The following PRKCB variants were observed in gnomAD, a reference collection of about 807,000 sequenced individuals.
The protein encoded by PRKCB is protein kinase C beta, also known as protein kinase C beta type.
In PRKCB, 13 loss-of-function variants were observed where a neutral mutation model predicts 81.5. That is an observed-to-expected ratio of 0.16 (90% CI 0.10 to 0.25). PRKCB has a LOEUF of 0.25. Among genes scored for constraint, PRKCB ranks in the 10% least tolerant of loss-of-function variants. The pLI is 1.00. For missense variants in PRKCB, 509 were observed against 875.7 expected (o/e 0.58, Z 5.29); for synonymous variants, 335 against 321.4 (o/e 1.04, Z -0.45).
intron 3 of PRKCB, among the ~76,000 whole-genome samples, chr16:24,024,800 C>T (rs1965454271): frequency 6.6e-6 from 1 of 152,122 alleles, no homozygotes; most frequent in Non-Finnish European, 1.5e-5. Flanking sequence ...GGGAGGTGCC[C>T]ATCTCAGAGA....
intron 2 of PRKCB, among the ~76,000 whole-genome samples, chr16:23,986,527 C>T (rs1964806276): frequency 6.6e-6 from 1 of 152,182 alleles, no homozygotes; most frequent in South Asian, 2.1e-4. Context: ...GCTGGGATTA[C>T]AGATGTGAGC....
chr16:24,181,554 C>G (rs974924084), intron 13 of PRKCB, among the ~76,000 whole-genome samples: 10 of 151,852 alleles, frequency 6.6e-5, no homozygotes, highest in African/African-American at 2.2e-4. Context: ...ATCACTTGAG[C>G]CCAGGAGTTC....
intron 2 of PRKCB, among the ~76,000 whole-genome samples, chr16:23,935,376 G>A (rs897833410): frequency 1.1e-4 from 17 of 152,146 alleles, no homozygotes; most frequent in South Asian, 8.3e-4. Flanking sequence ...TGATTAGACC[G>A]TAGCCATTTT....
chr16:23,992,135 C>T (rs1239280171), intron 3 of PRKCB, among the ~76,000 whole-genome samples: 1 of 152,142 alleles, frequency 6.6e-6, no homozygotes, highest in Non-Finnish European at 1.5e-5. Flanking sequence ...CACTGGAGAC[C>T]GAATCTTCCA....
At chr16:24,033,405 G>T (rs879912906) in intron 4 of PRKCB, among the ~76,000 whole-genome samples, 4 of 152,260 alleles carry the variant, frequency 2.6e-5, no homozygotes, top group Admixed American at 6.5e-5. Context: ...GTGGGGCGTG[G>T]AAGCTACAGA....
Position 24,123,937 on chromosome 16 carries a change from G to A in PRKCB, c.1021G>A (p.Asp341Asn), listed in dbSNP as rs1189884717. The A allele has an allele frequency of 1.2e-6, 2 of 1,614,178 alleles. No homozygotes were observed. The highest frequency in any genetic ancestry group is 1.7e-6 in the Non-Finnish European group (2 of 1,180,016). Residue 341 changes from aspartate (D) to asparagine (N), a missense_variant, in exon 9 of 17, where the codon GAT (aspartate) becomes AAT (asparagine). Physicochemically the swap from Asp to Asn is conservative, Grantham distance 23. Coordinates refer to ENST00000643927, the MANE Select transcript of PRKCB (RefSeq NM_002738.7). ...CAACAGAGACCGGATGAAACTGACCGATTTTAACTTCCTAATGGTGCTGGG... is the reference window on the plus strand; with the variant it reads ...CAACAGAGACCGGATGAAACTGACCAATTTTAACTTCCTAATGGTGCTGGG... Reference protein sequence around the residue: ...NGNRDRMKLTDFNFLMVLGKG... With the variant: ...NGNRDRMKLTNFNFLMVLGKG...
intron 7 of PRKCB, among the ~76,000 whole-genome samples, chr16:24,112,062 A>G (rs1050612514): frequency 5.9e-5 from 9 of 152,188 alleles, no homozygotes; most frequent in Non-Finnish European, 7.3e-5. Context: ...TGTGCGCTTA[A>G]CCACTAAGGG....
At chr16:24,137,572 A>G (rs1165867100) in intron 9 of PRKCB, among the ~76,000 whole-genome samples, 2 of 152,228 alleles carry the variant, frequency 1.3e-5, no homozygotes, top group African/African-American at 2.4e-5. Flanking sequence ...AGGACCAGAT[A>G]GAGCCCATTA....
intron 16 of PRKCB, among the ~76,000 whole-genome samples, chr16:24,192,192 G>T (rs548123996): frequency 3.5e-4 from 53 of 152,366 alleles, no homozygotes; most frequent in Non-Finnish European, 7.1e-4. Flanking sequence ...GGCACGTAAT[G>T]ATAATAGTTT....
At chr16:23,970,053 T>G (rs553385008) in intron 2 of PRKCB, among the ~76,000 whole-genome samples, 1 of 152,288 alleles carries the variant, frequency 6.6e-6, no homozygotes, top group East Asian at 1.9e-4. Flanking sequence ...ACAGAAAAAT[T>G]GAAACCTTTT....
chr16:24,010,748 T>G (rs551905266), intron 3 of PRKCB, among the ~76,000 whole-genome samples: 166 of 152,214 alleles, frequency 1.1e-3, no homozygotes, highest in African/African-American at 3.9e-3. Context: ...GGGAGGAAGA[T>G]TCATCATTTT....
At chr16:23,906,682 T>A (rs922111988) in intron 2 of PRKCB, among the ~76,000 whole-genome samples, 4 of 152,180 alleles carry the variant, frequency 2.6e-5, no homozygotes, top group African/African-American at 9.7e-5. Context: ...CTGGAATTTA[T>A]TTTGGTTTTA....
At chr16:24,029,831 G>A (rs573980391) in intron 3 of PRKCB, among the ~76,000 whole-genome samples, 7 of 152,318 alleles carry the variant, frequency 4.6e-5, no homozygotes, top group Admixed American at 1.3e-4. Context: ...TGTACCAAAG[G>A]CTAGGGTGTC....
rs1964010729 is a variant in PRKCB, at chr16:23,933,695, TTCTATCCATCCATCCATTCATCCATCCA to T, written c.206-54793_206-54766del. The stretch of plus-strand genomic sequence containing the variant: ...ATCCATCATCTTCTGTTTGTTGATT[TTCTATCCATCCATCCATTCATCCATCCA>T]TCTATCCATCCATCCATTCGTCCAT... On this transcript the variant is annotated intron_variant, in intron 2 of 16. Coordinates refer to ENST00000643927, the MANE Select transcript of PRKCB (RefSeq NM_002738.7). 2.9e-5 allele frequency among the ~76,000 whole-genome samples: 4 copies of T among 136,794 alleles called. No individual in the cohort carries two copies. In the South Asian group the frequency reaches 9.9e-4, roughly 34 times the overall value. 89.7% of individuals were successfully genotyped at this position (136,794 alleles called of 152,430 possible). A position where few individuals can be genotyped will look rare whatever the true frequency, so the allele number is the denominator to read the frequency against.
intron 2 of PRKCB, among the ~76,000 whole-genome samples, chr16:23,876,787 A>C (rs1480104646): frequency 6.6e-6 from 1 of 152,178 alleles, no homozygotes; most frequent in Admixed American, 6.5e-5. Flanking sequence ...GTCCCTTCAA[A>C]ATACCACTAC....
At chr16:24,105,552 G>T (rs1300603647) in intron 7 of PRKCB, among the ~76,000 whole-genome samples, 1 of 152,006 alleles carries the variant, frequency 6.6e-6, no homozygotes, top group East Asian at 1.9e-4. Flanking sequence ...CCCCTAACAG[G>T]CCCCGGTGTG....
chr16:24,216,668 G>T lies in PRKCB; in HGVS notation c.*1852G>T, dbSNP rs1219198703. 1.0e-6 allele frequency: 1 copy of T among 985,362 alleles called. No individual in the cohort carries two copies. The highest frequency in any genetic ancestry group is 1.2e-6 in the Non-Finnish European group (1 of 829,980). The allele number at this position is 985,362 out of a possible 1,614,324, so 61.0% of individuals were successfully genotyped here. ...CTTCTCTGTCCTCTTCTTGCTTCAG[G>T]CTTGGGGACCGTCCCTGCTGTCCCC... is the stretch of plus-strand genomic sequence containing the variant. On this transcript the variant is annotated 3_prime_UTR_variant, in exon 17 of 17. Coordinates refer to ENST00000643927, the MANE Select transcript of PRKCB (RefSeq NM_002738.7).
intron 2 of PRKCB, among the ~76,000 whole-genome samples, chr16:23,854,609 G>T (rs1459043995): frequency 2.0e-5 from 3 of 152,160 alleles, no homozygotes; most frequent in Admixed American, 6.5e-5. Context: ...AGCAAGGGCT[G>T]CAGGGCTTCT....
At chr16:24,071,665 C>G (rs1966109823) in intron 5 of PRKCB, among the ~76,000 whole-genome samples, 1 of 151,988 alleles carries the variant, frequency 6.6e-6, no homozygotes, top group Admixed American at 6.6e-5. Flanking sequence ...GCACATGTCT[C>G]TGGGCAGTAG....
Sources: allele counts gnomAD v4.1 joint callset (sites outside exome capture counted in the v4.1 genomes callset), GRCh38; gene constraint gnomAD v4.1.1; transcripts MANE v1.5; gene names NCBI Gene and HGNC (gene_info 2026-07-23, HGNC 2026-07-21).